The following RNGTT variants were observed in gnomAD, a reference collection of about 807,000 sequenced individuals.
RNGTT encodes mRNA-capping enzyme.
RNGTT carries 33 observed loss-of-function variants against 79.3 expected under a neutral mutation model. That is an observed-to-expected ratio of 0.42 (90% CI 0.32 to 0.56). The LOEUF (loss-of-function observed/expected upper bound fraction) is 0.56. RNGTT is among the 20% of genes least tolerant of loss of function. The pLI is 0.17. For missense variants in RNGTT, 497 were observed against 739.1 expected (o/e 0.67, Z 3.80); for synonymous variants, 222 against 235.9 (o/e 0.94, Z 0.54).
chr6:88,857,805 C>G (rs879909348), intron 8 of RNGTT, among the ~76,000 whole-genome samples: 3 of 152,100 alleles, frequency 2.0e-5, no homozygotes, highest in Non-Finnish European at 4.4e-5. Flanking sequence ...GCTGCCCCAT[C>G]TCTATGTATT....
In RNGTT at chr6:88,963,350, C is replaced by A; in HGVS notation, c.60G>T (p.Val20=). The part of the protein sequence containing the change: ...WLNCPRRGQP[V]AGRFLPLKTM... ...ACGCCCCCCAGTCCAGGTTACCTGC[C>A]ACCGGCTGGCCGCGCCGGGGACAGT... Residue 20 remains valine, a synonymous_variant, in exon 1 of 16, where the codon GTG becomes GTT. Coordinates refer to ENST00000369485, the MANE Select transcript of RNGTT (RefSeq NM_003800.5). 6.2e-7 allele frequency: 1 copy of A among 1,612,040 alleles called. No homozygotes were observed. Among genetic ancestry groups the A allele is most frequent in the South Asian group, 1.1e-5 (1 of 91,032 alleles).
At chr6:88,697,165 A>G (rs1775704932) in intron 13 of RNGTT, among the ~76,000 whole-genome samples, 1 of 152,190 alleles carries the variant, frequency 6.6e-6, no homozygotes, top group Admixed American at 6.5e-5. Flanking sequence ...ACAAAGAATC[A>G]CCTCAGTCTC....
intron 12 of RNGTT, among the ~76,000 whole-genome samples, chr6:88,791,568 C>A (rs1369614613): frequency 2.0e-5 from 3 of 152,040 alleles, no homozygotes; most frequent in African/African-American, 7.3e-5. Context: ...GAGACAGAGT[C>A]TGGCTCTGAC....
At chr6:88,724,826 C>A (rs544731115) in intron 13 of RNGTT, among the ~76,000 whole-genome samples, 1 of 152,274 alleles carries the variant, frequency 6.6e-6, no homozygotes, top group South Asian at 2.1e-4. Flanking sequence ...CCTGCTCTGT[C>A]ATAACCATTT....
intron 11 of RNGTT, among the ~76,000 whole-genome samples, chr6:88,818,420 T>G (rs1266422602): frequency 6.6e-6 from 1 of 151,674 alleles, no homozygotes; most frequent in Non-Finnish European, 1.5e-5. Context: ...CCGTCTCTAC[T>G]AAAAATACAA....
rs1021731282 is a variant in RNGTT at position 88,699,556 on chromosome 6, G to A, written c.1440-21137C>T. On this transcript the variant is annotated intron_variant, in intron 13 of 15. Transcript: ENST00000369485. ...AAATTACCCAGGCATGGTGGCACAC[G>A]CCTGTAGTCCCAGTAAAAGGATCAC... Among the ~76,000 whole-genome samples the A allele has an allele frequency of 2.0e-5, 3 of 152,088 alleles. No homozygotes were observed. In the East Asian group the frequency reaches 5.8e-4, roughly 29 times the overall value.
chr6:88,906,981 A>C (rs1348466098), intron 4 of RNGTT, among the ~76,000 whole-genome samples: 1 of 152,224 alleles, frequency 6.6e-6, no homozygotes, highest in Non-Finnish European at 1.5e-5. Flanking sequence ...TAATCAACAA[A>C]AGTGACTAGC....
chr6:88,880,262 G>C lies in RNGTT; in HGVS notation c.896+10233C>G, dbSNP rs145403542. On this transcript the variant is annotated intron_variant, in intron 8 of 15. Coordinates refer to ENST00000369485, the MANE Select transcript of RNGTT (RefSeq NM_003800.5). ...AGGGAGGGAGGAAATTCCCAGACCA[G>C]GATGCAGGAAAATAAACCTGTCTAT... 3.0e-3 allele frequency among the ~76,000 whole-genome samples: 461 copies of C among 152,230 alleles called. 2 individuals are homozygous for C. Among genetic ancestry groups the C allele is most frequent in the African/African-American group, 0.011 (437 of 41,540 alleles).
intron 8 of RNGTT, among the ~76,000 whole-genome samples, chr6:88,880,215 A>C (rs200297435): frequency 3.5e-5 from 5 of 144,320 alleles, no homozygotes; most frequent in Admixed American, 7.0e-5. Context: ...TGAATGAATG[A>C]AAGGAAGAAG....
At chr6:88,880,309 T>G (rs778751307) in intron 8 of RNGTT, among the ~76,000 whole-genome samples, 3 of 152,228 alleles carry the variant, frequency 2.0e-5, no homozygotes, top group African/African-American at 4.8e-5. Context: ...AGAAGTATTA[T>G]ACAAATGTAC....
intron 11 of RNGTT, among the ~76,000 whole-genome samples, chr6:88,832,817 T>G (rs2127890250): frequency 6.6e-6 from 1 of 152,158 alleles, no homozygotes; most frequent in South Asian, 2.1e-4. Flanking sequence ...AAGAAACATA[T>G]GAAAAAATGC....
chr6:88,890,053 C>A (rs1227254235), intron 8 of RNGTT, among the ~76,000 whole-genome samples: 3 of 151,824 alleles, frequency 2.0e-5, no homozygotes, highest in South Asian at 2.1e-4. Context: ...AACAACCTTG[C>A]GAGTATATAA....
At chr6:88,756,498 A>G (rs1778021738) in intron 13 of RNGTT, among the ~76,000 whole-genome samples, 1 of 152,154 alleles carries the variant, frequency 6.6e-6, no homozygotes, top group Non-Finnish European at 1.5e-5. Context: ...AGGTAAAATT[A>G]ATAAACAAAG....
chr6:88,848,389 C>T (rs1417853811), intron 10 of RNGTT, among the ~76,000 whole-genome samples: 1 of 151,838 alleles, frequency 6.6e-6, no homozygotes, highest in Non-Finnish European at 1.5e-5. Flanking sequence ...GCGAAATTTT[C>T]ATGTGCGCAC....
intron 13 of RNGTT, among the ~76,000 whole-genome samples, chr6:88,760,629 A>G (rs984874091): frequency 3.9e-5 from 6 of 152,202 alleles, no homozygotes; most frequent in Non-Finnish European, 4.4e-5. Context: ...TTAGTGTTTT[A>G]TGTCTATTTC....
At chr6:88,948,390 G>A (rs1582167001) in intron 1 of RNGTT, among the ~76,000 whole-genome samples, 9 of 122,554 alleles carry the variant, frequency 7.3e-5, no homozygotes, top group Non-Finnish European at 1.2e-4. Flanking sequence ...CCGGCCAGCC[G>A]CCCCGTCCGG....
intron 11 of RNGTT, among the ~76,000 whole-genome samples, chr6:88,840,723 T>C (rs1487585121): frequency 6.6e-6 from 1 of 152,150 alleles, no homozygotes; most frequent in Admixed American, 6.5e-5. Flanking sequence ...AAAAGAAATA[T>C]CCTATGATTT....
At chr6:88,691,810 T>C (rs1040192269) in intron 13 of RNGTT, among the ~76,000 whole-genome samples, 2 of 152,024 alleles carry the variant, frequency 1.3e-5, no homozygotes, top group Non-Finnish European at 2.9e-5. Context: ...ACATAAGCAA[T>C]CAGTAAGAGA....
At chr6:88,869,205 T>G (rs539975431) in intron 8 of RNGTT, among the ~76,000 whole-genome samples, 3 of 152,316 alleles carry the variant, frequency 2.0e-5, no homozygotes, top group African/African-American at 7.2e-5. Flanking sequence ...ATTTCTCCAT[T>G]TACTGGTATC....
Sources: gnomAD v4.1 joint callset for allele counts (sites outside exome capture counted in the v4.1 genomes callset) on GRCh38, gnomAD v4.1.1 for gene constraint, MANE v1.5 for transcripts, NCBI Gene and HGNC (gene_info 2026-07-23, HGNC 2026-07-21) for gene names.